The following YTHDC1 variants were observed in gnomAD, a reference collection of about 807,000 sequenced individuals.
The protein encoded by YTHDC1 is YTH domain-containing protein 1.
Under a neutral mutation model 107.0 loss-of-function variants are expected in YTHDC1, and 12 were observed. The observed-to-expected ratio is 0.11, with a 90% CI of 0.07 to 0.18. The LOEUF (loss-of-function observed/expected upper bound fraction) is 0.18. Among genes scored for constraint, YTHDC1 ranks in the 10% least tolerant of loss-of-function variants. The pLI is 1.00. For synonymous variants in YTHDC1, 280 were observed against 289.5 expected (o/e 0.97, Z 0.33); for missense variants, 635 against 898.8 (o/e 0.71, Z 3.75).
chr4:68,349,078 G>C (rs978723834), intron 1 of YTHDC1, among the ~76,000 whole-genome samples: 4 of 152,062 alleles, frequency 2.6e-5, no homozygotes, highest in African/African-American at 9.7e-5. Flanking sequence ...AGCTACACAC[G>C]GTTTTTCTAA....
intron 2 of YTHDC1, 115 bp downstream of exon 2, chr4:68,338,168 T>C: frequency 7.8e-7 from 1 of 1,287,904 alleles, no homozygotes; most frequent in Admixed American, 2.8e-5. Flanking sequence ...TATGTACATT[T>C]AGTGTTAACT....
At chr4:68,314,833 A>G (rs1170511812) in intron 16 of YTHDC1, among the ~76,000 whole-genome samples, 1 of 151,842 alleles carries the variant, frequency 6.6e-6, no homozygotes, top group African/African-American at 2.4e-5. Flanking sequence ...GTTGATGTGC[A>G]AGAAAAGTTG....
intron 12 of YTHDC1, among the ~76,000 whole-genome samples, chr4:68,319,870 A>G (rs1722258567): frequency 6.6e-6 from 1 of 152,092 alleles, no homozygotes; most frequent in South Asian, 2.1e-4. Context: ...ATAAGTTTCC[A>G]TTTTTGCAAA....
At chr4:68,342,358 T>C (rs1002955007) in intron 1 of YTHDC1, among the ~76,000 whole-genome samples, 3 of 151,836 alleles carry the variant, frequency 2.0e-5, no homozygotes, top group East Asian at 1.9e-4. Flanking sequence ...AACCACCGAG[T>C]AGGCAGATCT....
At chr4:68,335,038 T>A (rs1723999873) in intron 4 of YTHDC1, among the ~76,000 whole-genome samples, 1 of 152,094 alleles carries the variant, frequency 6.6e-6, no homozygotes, top group African/African-American at 2.4e-5. Context: ...TGCTCTTAAG[T>A]TTATGGCCCT....
chr4:68,318,210 G>T (rs1306479018), intron 15 of YTHDC1, among the ~76,000 whole-genome samples: 1 of 152,180 alleles, frequency 6.6e-6, no homozygotes, highest in Non-Finnish European at 1.5e-5. Flanking sequence ...CAATTCTCCT[G>T]CCTCAGCCTC....
intron 5 of YTHDC1, 120 bp from the exon 6 acceptor site, chr4:68,332,967 C>A: frequency 3.6e-6 from 3 of 825,500 alleles, no homozygotes; most frequent in Admixed American, 2.8e-5. Context: ...GGCGCACCCA[C>A]ACACACAAAA....
At chr4:68,332,735 T>A in intron 6 of YTHDC1, 59 bp downstream of exon 6, 1 of 1,495,624 alleles carries the variant, frequency 6.7e-7, no homozygotes, top group East Asian at 2.3e-5. Context: ...GGAGAACCAA[T>A]AAGGAAAAAT....
At chr4:68,339,297 C>A (rs1724559360) in intron 1 of YTHDC1, among the ~76,000 whole-genome samples, 1 of 152,058 alleles carries the variant, frequency 6.6e-6, no homozygotes, top group African/African-American at 2.4e-5. Context: ...ATCAGACAAA[C>A]CCAAATTAAA....
chr4:68,316,708 A>C (rs1211310131), intron 15 of YTHDC1, among the ~76,000 whole-genome samples: 1 of 152,236 alleles, frequency 6.6e-6, no homozygotes, highest in Non-Finnish European at 1.5e-5. Context: ...GCTTACTGTG[A>C]GCCAGGCATT....
chr4:68,316,997 T>G (rs976042859), intron 15 of YTHDC1, among the ~76,000 whole-genome samples: 4 of 152,198 alleles, frequency 2.6e-5, no homozygotes, highest in Non-Finnish European at 5.9e-5. Flanking sequence ...TTTGGGAGGC[T>G]GAGGGAAAAG....
At chr4:68,327,237 A>T (rs1723093042) in intron 9 of YTHDC1, among the ~76,000 whole-genome samples, 1 of 151,130 alleles carries the variant, frequency 6.6e-6, no homozygotes. Flanking sequence ...ACTCCGTCTC[A>T]AAAGAAAAGA....
rs1490216357 is a variant in YTHDC1, at chr4:68,314,158, T to G, written c.2125A>C (p.Arg709=). The G allele has an allele frequency of 6.2e-7, 1 of 1,613,912 alleles. No homozygotes were observed. Among genetic ancestry groups the G allele is most frequent in the Admixed American group, 1.7e-5 (1 of 59,974 alleles). The part of the protein sequence containing the change: ...RDRGRDRERE[R]ERLCDRDRDR... ...CTGTCTCGATCACATAATCGCTCTC[T>G]TTCTCTTTCTCTATCACGTCCTCTA... Residue 709 remains arginine (R), a synonymous_variant, in exon 17 of 17, where the codon AGA becomes CGA. Transcript: ENST00000344157.
intron 4 of YTHDC1, among the ~76,000 whole-genome samples, chr4:68,334,005 C>A (rs1136378): frequency 5.3e-5 from 8 of 152,098 alleles, no homozygotes; most frequent in African/African-American, 1.9e-4. Flanking sequence ...TAAAATTTAT[C>A]CCTACAATTT....
intron 16 of YTHDC1, among the ~76,000 whole-genome samples, chr4:68,315,623 G>T (rs900959688): frequency 6.6e-6 from 1 of 152,056 alleles, no homozygotes; most frequent in Non-Finnish European, 1.5e-5. Flanking sequence ...GTACTATTGG[G>T]GGGGGTGGGG....
At chr4:68,341,971 A>G (rs1017086101) in intron 1 of YTHDC1, among the ~76,000 whole-genome samples, 7 of 152,198 alleles carry the variant, frequency 4.6e-5, no homozygotes, top group African/African-American at 1.4e-4. Flanking sequence ...TTGGACTTTA[A>G]TAAAACCTGC....
intron 9 of YTHDC1, among the ~76,000 whole-genome samples, chr4:68,325,230 T>G (rs1722861860): frequency 1.3e-5 from 2 of 152,160 alleles, no homozygotes; most frequent in South Asian, 4.1e-4. Context: ...GCACACACAA[T>G]TTTCAAAGAC....
intron 9 of YTHDC1, among the ~76,000 whole-genome samples, chr4:68,326,942 G>A (rs1217917147): frequency 6.6e-6 from 1 of 150,816 alleles, no homozygotes. Context: ...AAGTTAAAAA[G>A]AAAAATGGAG....
chr4:68,340,229 G>A lies in YTHDC1; in HGVS notation c.29-1845C>T, dbSNP rs531692897. The stretch of plus-strand genomic sequence containing the variant: ...ACTGAAGAGAATAGTTAATACAAAC[G>A]ATAAGGTTACATAGGAAATGGAAAA... On this transcript the variant is annotated intron_variant, in intron 1 of 16. Coordinates refer to ENST00000344157, the MANE Select transcript of YTHDC1 (RefSeq NM_001031732.4). 6.4e-4 allele frequency among the ~76,000 whole-genome samples: 97 copies of A among 152,118 alleles called. 1 individual carries two copies. Among genetic ancestry groups the A allele is most frequent in the African/African-American group, 2.0e-3 (85 of 41,530 alleles).
Sources: gnomAD v4.1 joint callset for allele counts (sites outside exome capture counted in the v4.1 genomes callset) on GRCh38, gnomAD v4.1.1 for gene constraint, MANE v1.5 for transcripts, NCBI Gene and HGNC (gene_info 2026-07-23, HGNC 2026-07-21) for gene names.